SERPINB12: variants seen among roughly 807,000 people sequenced by gnomAD.
SERPINB12 encodes serpin family B member 12, also known as serpin B12.
SERPINB12 carries 57 observed loss-of-function variants against 41.1 expected under a neutral mutation model. That is an observed-to-expected ratio of 1.39 (90% confidence interval 1.12 to 1.73). SERPINB12 has a LOEUF of 1.73. Among genes scored for constraint, SERPINB12 ranks in the 40% most tolerant of loss-of-function variants. The pLI is 0.00. For synonymous variants in SERPINB12, 180 were observed against 181.3 expected, an observed-to-expected ratio of 0.99 and a Z score of 0.06; for missense variants, 536 against 501.9, an observed-to-expected ratio of 1.07 and a Z score of -0.65.
intron 5 of SERPINB12, among the ~76,000 whole-genome samples, chr18:63,561,852 TATGGCAAGGAACA>T (rs1352690725): frequency 6.6e-6 from 1 of 151,976 alleles, no homozygotes; most frequent in East Asian, 1.9e-4. Flanking sequence ...CAGACATAAA[TATGGCAAGGAACA>T]ATGAACCCTC....
rs191383016 is a variant in SERPINB12, at chr18:63,547,758, C to A, written c.-19+5266C>A. ...TTTTTTTTATATTGCAGTAAGTGAA[C>A]TTTTTCTTATATAGTAAAAAATTAA... is the stretch of plus-strand genomic sequence containing the variant. On this transcript the variant is annotated intron_variant, in intron 1 of 7. Coordinates refer to ENST00000382768, the MANE Select transcript of SERPINB12 (RefSeq NM_001307928.2). Among the ~76,000 whole-genome samples the A allele has an allele frequency of 6.0e-3, 912 of 152,036 alleles. 11 individuals are homozygous for A. Among genetic ancestry groups the A allele is most frequent in the African/African-American group, 0.021 (877 of 41,482 alleles).
chr18:63,540,713 T>C (rs1177383842), upstream of SERPINB12, among the ~76,000 whole-genome samples: 1 of 152,180 alleles, frequency 6.6e-6, no homozygotes, highest in Non-Finnish European at 1.5e-5. Context: ...TCATCTGATA[T>C]TCAGATAAAT....
Position 63,564,041 on chromosome 18 carries a change from A to C in SERPINB12, c.626A>C (p.Asn209Thr). ...INAETVLVLV[N>T]AVYFKAKWET... ...GCTGAGACTGTGCTGGTACTGGTGAATGCTGTTTACTTCAAGGCCAAATGG... is the reference window on the plus strand; with the variant it reads ...GCTGAGACTGTGCTGGTACTGGTGACTGCTGTTTACTTCAAGGCCAAATGG... The change falls in exon 6 of 8, where the codon AAT (asparagine) becomes ACT (threonine). Residue 209 changes from asparagine to threonine, a missense_variant. Transcript: ENST00000382768. 1 of 1,614,106 alleles carries C rather than the reference A, an allele frequency of 6.2e-7. No homozygotes were observed. The highest frequency in any genetic ancestry group is 8.5e-7 in the Non-Finnish European group (1 of 1,179,970).
Position 63,564,007 on chromosome 18 carries a change from G to A in SERPINB12, c.592G>A (p.Ala198Thr), listed in dbSNP as rs771057082. The A allele has an allele frequency of 9.9e-6, 16 of 1,612,402 alleles. No homozygotes were observed. The highest frequency in any genetic ancestry group is 2.2e-5 in the East Asian group (1 of 44,858). ...GKIKELFSKD[A>T]INAETVLVLV... Reference sequence around the variant, plus strand: ...AATCAAGGAACTCTTCAGCAAGGACGCTATTAATGCTGAGACTGTGCTGGT... The same window carrying A: ...AATCAAGGAACTCTTCAGCAAGGACACTATTAATGCTGAGACTGTGCTGGT... Residue 198 changes from alanine (A) to threonine (T), a missense_variant, in exon 6 of 8, where the codon GCT becomes ACT. Transcript: ENST00000382768.
chr18:63,558,315 C>A, intron 2 of SERPINB12, 37 bp from the exon 3 acceptor site: 1 of 1,592,342 alleles, frequency 6.3e-7, no homozygotes, highest in South Asian at 1.2e-5. Context: ...TCCCTCTGTT[C>A]ATATTATCTG....
At chr18:63,535,079 C>G in the SERPINB12 span, among the ~76,000 whole-genome samples, 72 of 152,226 alleles carry the variant, frequency 4.7e-4, no homozygotes, top group African/African-American at 1.7e-3. Context: ...TTTTTCAGAA[C>G]AGTTTTCCAG....
chr18:63,559,003 C>CCTTCT (rs1910780632), intron 3 of SERPINB12, among the ~76,000 whole-genome samples: 36 of 78,602 alleles, frequency 4.6e-4, no homozygotes, highest in African/African-American at 1.6e-3. Flanking sequence ...TCTTTCCTTC[C>CCTTCT]TTCTTTCTTT....
chr18:63,544,954 G>A (rs1442383484), intron 1 of SERPINB12, among the ~76,000 whole-genome samples: 1 of 152,034 alleles, frequency 6.6e-6, no homozygotes, highest in East Asian at 1.9e-4. Context: ...GAGCCCCTTT[G>A]TAATATTTCA....
chr18:63,557,282 G>T (rs11876892), intron 2 of SERPINB12, among the ~76,000 whole-genome samples: 5,162 of 152,142 alleles, frequency 0.034, 300 homozygotes, highest in African/African-American at 0.12. Flanking sequence ...TTTGATCAGT[G>T]TTTATCTCCT....
Position 63,566,879 on chromosome 18 carries a change from C to G in SERPINB12, c.1146C>G (p.Ala382=). 6.2e-7 allele frequency: 1 copy of G among 1,614,160 alleles called. No individual in the cohort carries two copies. The highest frequency in any genetic ancestry group is 8.5e-7 in the Non-Finnish European group (1 of 1,180,016). ...VDENGTQAAA[A]TGAVVSERSL... is the part of the protein sequence containing the mutation. ...AAAACGGTACCCAGGCAGCTGCAGCCACTGGGGCTGTTGTCTCGGAAAGGT... is the reference window on the plus strand; with the variant it reads ...AAAACGGTACCCAGGCAGCTGCAGCGACTGGGGCTGTTGTCTCGGAAAGGT... Residue 382 remains alanine, a synonymous_variant, in exon 8 of 8, where the codon GCC becomes GCG. Transcript: ENST00000382768.
chr18:63,566,238 T>G (rs1242319459), intron 7 of SERPINB12, among the ~76,000 whole-genome samples: 1 of 152,238 alleles, frequency 6.6e-6, no homozygotes, highest in Admixed American at 6.5e-5. Context: ...AAGTTCTTTA[T>G]ATACATGATT....
chr18:63,525,798 G>A, the SERPINB12 span, among the ~76,000 whole-genome samples: 1 of 152,132 alleles, frequency 6.6e-6, no homozygotes, highest in African/African-American at 2.4e-5. Context: ...TTTATAGCCT[G>A]TAAATATCAG....
intron 2 of SERPINB12, among the ~76,000 whole-genome samples, chr18:63,557,123 C>G (rs1910704869): frequency 6.6e-6 from 1 of 152,210 alleles, no homozygotes; most frequent in African/African-American, 2.4e-5. Context: ...CTCTCACTTT[C>G]ATCCCTCCTC....
chr18:63,534,303 A>G, the SERPINB12 span, among the ~76,000 whole-genome samples: 51 of 152,168 alleles, frequency 3.4e-4, no homozygotes, highest in Non-Finnish European at 6.6e-4. Context: ...ACAAAACAAA[A>G]CAAAACAAAA....
chr18:63,546,549 A>G (rs1223802218), intron 1 of SERPINB12, among the ~76,000 whole-genome samples: 1 of 152,242 alleles, frequency 6.6e-6, no homozygotes, highest in Non-Finnish European at 1.5e-5. Context: ...GAAAGATTTT[A>G]GAATAATGCA....
chr18:63,564,526 T>C (rs1911027656), intron 6 of SERPINB12, among the ~76,000 whole-genome samples: 1 of 152,216 alleles, frequency 6.6e-6, no homozygotes, highest in Non-Finnish European at 1.5e-5. Flanking sequence ...CACCCACTTG[T>C]TGGCCAGCTA....
intron 3 of SERPINB12, among the ~76,000 whole-genome samples, chr18:63,559,003 C>T (rs7229966): frequency 0.59 from 45,877 of 78,104 alleles, 15,055 homozygotes; most frequent in Middle Eastern, 0.69. Flanking sequence ...TCTTTCCTTC[C>T]TTCTTTCTTT....
At chr18:63,560,117 A>G (rs1302336816) in intron 4 of SERPINB12, among the ~76,000 whole-genome samples, 1 of 152,138 alleles carries the variant, frequency 6.6e-6, no homozygotes. Context: ...CTTTTGTGCC[A>G]GGATCAGGCT....
At chr18:63,529,763 G>A in the SERPINB12 span, among the ~76,000 whole-genome samples, 2 of 150,462 alleles carry the variant, frequency 1.3e-5, no homozygotes, top group African/African-American at 4.9e-5. Context: ...ACGTAATTAT[G>A]CCAATTAAAA....
Sources: gnomAD v4.1 joint callset for allele counts (sites outside exome capture counted in the v4.1 genomes callset) on GRCh38, gnomAD v4.1.1 for gene constraint, MANE v1.5 for transcripts, NCBI Gene and HGNC (gene_info 2026-07-23, HGNC 2026-07-21) for gene names.